MR1: variants seen among roughly 807,000 people sequenced by gnomAD.
MR1 encodes major histocompatibility complex class I-related protein 1.
Under a neutral mutation model 37.8 loss-of-function variants are expected in MR1, and 44 were observed. The observed-to-expected ratio is 1.16, with a 90% CI of 0.91 to 1.50. The LOEUF (loss-of-function observed/expected upper bound fraction) is 1.50. Ranked by LOEUF, MR1 falls within the 40% of genes most tolerant of loss-of-function variation. The pLI is 0.00. For synonymous variants in MR1, 153 were observed against 155.8 expected, an observed-to-expected ratio of 0.98 and a Z score of 0.13; for missense variants, 386 against 419.1, an observed-to-expected ratio of 0.92 and a Z score of 0.69.
At chr1:181,042,313 C>G (rs1657598338) in intron 1 of MR1, among the ~76,000 whole-genome samples, 1 of 151,308 alleles carries the variant, frequency 6.6e-6, no homozygotes, top group Non-Finnish European at 1.5e-5. Context: ...AGCGATTCTC[C>G]TGCCTCACCT....
chr1:181,033,861 CATTTT>C (rs1657132864), upstream of MR1: 4 of 616,392 alleles, frequency 6.5e-6, no homozygotes, highest in South Asian at 1.0e-4. Context: ...TTCATGCTTT[CATTTT>C]ATCTTTTTTT....
intron 1 of MR1, among the ~76,000 whole-genome samples, chr1:181,045,867 G>A (rs1024527486): frequency 8.5e-5 from 13 of 152,254 alleles, no homozygotes; most frequent in Non-Finnish European, 1.6e-4. Flanking sequence ...GGCTGCGGGC[G>A]GCGCTTGCGG....
chr1:181,051,694 G>A (rs1318693907), intron 3 of MR1, among the ~76,000 whole-genome samples: 1 of 152,140 alleles, frequency 6.6e-6, no homozygotes, highest in African/African-American at 2.4e-5. Context: ...CAGTTTCTTC[G>A]AAGGCACAAC....
chr1:181,046,165 C>A (rs1181103599), intron 1 of MR1, among the ~76,000 whole-genome samples: 1 of 152,218 alleles, frequency 6.6e-6, no homozygotes, highest in East Asian at 1.9e-4. Context: ...AGCGCCACCC[C>A]TGCTCCACGG....
At chr1:181,042,703 G>A (rs1275113152) in intron 1 of MR1, among the ~76,000 whole-genome samples, 1 of 152,012 alleles carries the variant, frequency 6.6e-6, no homozygotes, top group African/African-American at 2.4e-5. Context: ...CTACTTGGGA[G>A]GCTGGGGCAG....
At chr1:181,043,026 A>G (rs939452576) in intron 1 of MR1, among the ~76,000 whole-genome samples, 1 of 152,230 alleles carries the variant, frequency 6.6e-6, no homozygotes, top group African/African-American at 2.4e-5. Context: ...GGTAGAAGGT[A>G]GTAAGCAGAG....
chr1:181,056,895 G>A lies in MR1; in HGVS notation c.*1630G>A, dbSNP rs55700376. On this transcript the variant is annotated 3_prime_UTR_variant, in exon 6 of 6. Transcript: ENST00000367580. ...AGCACTTTGGGAGGCTGAGGCAGGC[G>A]GATTCCCTGAGCTCAGGAGTTCAAG... The A allele has an allele frequency of 0.063, 9,634 of 152,352 alleles. 342 individuals are homozygous for A. The highest frequency in any genetic ancestry group is 0.085 in the Non-Finnish European group (5,780 of 68,146). 9.4% of individuals were successfully genotyped at this position (152,352 alleles called of 1,614,324 possible).
At chr1:181,039,181 C>A (rs940808498) in intron 1 of MR1, among the ~76,000 whole-genome samples, 2 of 152,214 alleles carry the variant, frequency 1.3e-5, no homozygotes, top group Admixed American at 6.5e-5. Flanking sequence ...ATAAGTGAAA[C>A]CCATGCTTAT....
Position 181,050,475 on chromosome 1 carries a change from T to C in MR1, c.604+189T>C, listed in dbSNP as rs79193632. The C allele has an allele frequency of 1.3e-3, 852 of 678,216 alleles. 6 individuals carry two copies. In the African/African-American group the frequency reaches 0.013, roughly 11 times the overall value. The allele number at this position is 678,216 out of a possible 1,614,324, so 42.0% of individuals were successfully genotyped here. On this transcript the variant is annotated intron_variant, in intron 3 of 5. Coordinates refer to ENST00000367580, the MANE Select transcript of MR1 (RefSeq NM_001385161.1). The stretch of plus-strand genomic sequence containing the variant: ...TTTTGAGCAGCATCTTGACAAGATT[T>C]GACAGTTCCCCTTGTCTTGACAGAG...
chr1:181,055,103 T>A, intron 5 of MR1, 122 bp from the exon 6 acceptor site: 2 of 867,492 alleles, frequency 2.3e-6, no homozygotes, highest in Admixed American at 2.1e-5. Flanking sequence ...TAAGAGAATC[T>A]TGACAAAGCA....
chr1:181,045,702 C>A (rs1388334376), intron 1 of MR1, among the ~76,000 whole-genome samples: 1 of 152,186 alleles, frequency 6.6e-6, no homozygotes, highest in Non-Finnish European at 1.5e-5. Flanking sequence ...TCGCTCTTGG[C>A]GCCTCCGCTG....
Position 181,050,264 on chromosome 1 carries a change from G to A in MR1, c.582G>A (p.Gly194=), listed in dbSNP as rs775762702. 1.6e-5 allele frequency: 26 copies of A among 1,614,208 alleles called. No homozygotes were observed. In the South Asian group the frequency reaches 2.9e-4, roughly 18 times the overall value. The change falls in exon 3 of 6, where the codon GGG becomes GGA. Residue 194 remains glycine, a synonymous_variant. Transcript: ENST00000367580. ...GGCTAAAGAGATTCCTGGAGTATGGGAAAGACACCCTACAAAGAACAGGTA... is the reference window on the plus strand; with the variant it reads ...GGCTAAAGAGATTCCTGGAGTATGGAAAAGACACCCTACAAAGAACAGGTA... The part of the protein sequence containing the change: ...IAWLKRFLEY[G]KDTLQRTEPP...
chr1:181,041,035 C>G (rs1381158890), intron 1 of MR1, among the ~76,000 whole-genome samples: 2 of 151,766 alleles, frequency 1.3e-5, no homozygotes, highest in African/African-American at 4.8e-5. Context: ...TGAGCAGAGA[C>G]TGTGCCACTG....
chr1:181,053,581 A>G lies in MR1; in HGVS notation c.889A>G (p.Thr297Ala). The change falls in exon 5 of 6, where the codon ACT becomes GCT. Residue 297 changes from threonine (T) to alanine (A), a missense_variant. Thr to Ala is a moderately conservative substitution (Grantham distance 58). Coordinates refer to ENST00000367580, the MANE Select transcript of MR1 (RefSeq NM_001385161.1). The part of the protein sequence containing the change: ...MVLQVPQESE[T>A]IPLVMKAVSG... Reference sequence around the variant, plus strand: ...CATTTGCTTGCTTTCAGAATCAGAAACTATCCCTCTTGTGATGAAAGCTGT... The same window carrying G: ...CATTTGCTTGCTTTCAGAATCAGAAGCTATCCCTCTTGTGATGAAAGCTGT... 1.9e-6 allele frequency: 3 copies of G among 1,613,114 alleles called. No individual in the cohort carries two copies. The highest frequency in any genetic ancestry group is 2.5e-6 in the Non-Finnish European group (3 of 1,179,142).
chr1:181,041,769 TTAAA>T (rs1410979961), intron 1 of MR1, among the ~76,000 whole-genome samples: 1 of 152,224 alleles, frequency 6.6e-6, no homozygotes, highest in African/African-American at 2.4e-5. Context: ...CCTTCCTTTT[TTAAA>T]TAGTGTTGCC....
intron 2 of MR1, chr1:181,049,667 T>C: frequency 2.1e-6 from 1 of 475,980 alleles, no homozygotes; most frequent in South Asian, 2.8e-5. Context: ...CTTATGAGTA[T>C]CGACAGTAAC....
Position 181,049,161 on chromosome 1 carries a change from C to T in MR1, c.177C>T (p.Asp59=), listed in dbSNP as rs1352392211. ...YVDSHPITTY[D]SVTRQKEPRA... The stretch of plus-strand genomic sequence containing the variant: ...ACTCGCACCCTATCACCACATATGA[C>T]AGTGTCACTCGGCAGAAGGAGCCAC... The change falls in exon 2 of 6, where the codon GAC becomes GAT. Residue 59 remains aspartate, a synonymous_variant. Coordinates refer to ENST00000367580, the MANE Select transcript of MR1 (RefSeq NM_001385161.1). 1 of 1,614,236 alleles carries T rather than the reference C, an allele frequency of 6.2e-7. No individual in the cohort carries two copies. Among genetic ancestry groups the T allele is most frequent in the Admixed American group, 1.7e-5 (1 of 60,032 alleles).
chr1:181,054,854 T>C (rs1658523683), intron 5 of MR1, among the ~76,000 whole-genome samples: 1 of 152,088 alleles, frequency 6.6e-6, no homozygotes, highest in Non-Finnish European at 1.5e-5. Flanking sequence ...AGAGCGAGAC[T>C]CTGTCTCAAA....
At chr1:181,037,753 G>C (rs954818318) in intron 1 of MR1, among the ~76,000 whole-genome samples, 6 of 152,054 alleles carry the variant, frequency 3.9e-5, no homozygotes, top group Admixed American at 2.6e-4. Context: ...GATCATTTTA[G>C]AAAAATAAAA....
Sources: gnomAD v4.1 joint callset for allele counts (sites outside exome capture counted in the v4.1 genomes callset) on GRCh38, gnomAD v4.1.1 for gene constraint, MANE v1.5 for transcripts, NCBI Gene and HGNC (gene_info 2026-07-23, HGNC 2026-07-21) for gene names.